The following TAS2R1 variants were observed in gnomAD, a reference collection of about 807,000 sequenced individuals.
TAS2R1 encodes the protein taste 2 receptor member 1, also known as taste receptor type 2 member 1.
For synonymous variants in TAS2R1, 141 were observed against 134.2 expected, an observed-to-expected ratio of 1.05 and a Z score of -0.35; for missense variants, 370 against 353.4, an observed-to-expected ratio of 1.05 and a Z score of -0.38.
chr5:9,712,824 T>C (rs1377063671), upstream of TAS2R1, among the ~76,000 whole-genome samples: 1 of 152,022 alleles, frequency 6.6e-6, no homozygotes, highest in African/African-American at 2.4e-5. Flanking sequence ...GGTATATTAG[T>C]TAGGGTTCTC....
chr5:9,762,249 C>T, the TAS2R1 span, among the ~76,000 whole-genome samples: 3 of 152,128 alleles, frequency 2.0e-5, no homozygotes, highest in African/African-American at 7.2e-5. Flanking sequence ...CACATACAAC[C>T]GCCCCTAAAA....
At chr5:9,638,352 G>A (rs1579762706) in intron 2 of TAS2R1, among the ~76,000 whole-genome samples, 1 of 151,358 alleles carries the variant, frequency 6.6e-6, no homozygotes, top group East Asian at 1.9e-4. Context: ...AGTAGACTCT[G>A]TGAGAGCCCT....
At chr5:9,705,801 G>T (rs1741595726) in intron 1 of TAS2R1, among the ~76,000 whole-genome samples, 1 of 152,178 alleles carries the variant, frequency 6.6e-6, no homozygotes, top group African/African-American at 2.4e-5. Context: ...GGTAGAGGTT[G>T]CAGTGAGCCA....
Position 9,668,184 on chromosome 5 carries a change from G to A in TAS2R1, c.-241-8603C>T, listed in dbSNP as rs890458972. Among the ~76,000 whole-genome samples, 4 of 152,120 alleles carry A rather than the reference G, an allele frequency of 2.6e-5. No individual in the cohort carries two copies. In the South Asian group the frequency reaches 8.3e-4, roughly 32 times the overall value. On this transcript the variant is annotated intron_variant, in intron 1 of 2. Transcript: ENST00000506620. ...AGGAAAGAATCTCAGAGCTCCAAGA[G>A]CAGTTGTCTGAAATAACTCAGATAA...
At chr5:9,754,860 C>G in the TAS2R1 span, among the ~76,000 whole-genome samples, 1 of 152,128 alleles carries the variant, frequency 6.6e-6, no homozygotes, top group Non-Finnish European at 1.5e-5. Context: ...ATCAAGCTAC[C>G]AATGACTTTC....
chr5:9,901,737 G>A, the TAS2R1 span, among the ~76,000 whole-genome samples: 3 of 152,122 alleles, frequency 2.0e-5, no homozygotes, highest in African/African-American at 7.2e-5. Flanking sequence ...GATCCAGGCC[G>A]GAGACAGGCA....
At chr5:9,824,114 T>C in the TAS2R1 span, among the ~76,000 whole-genome samples, 1 of 152,134 alleles carries the variant, frequency 6.6e-6, no homozygotes, top group Admixed American at 6.5e-5. Flanking sequence ...TGGCACCAGC[T>C]TTGGAGTGGA....
the TAS2R1 span, among the ~76,000 whole-genome samples, chr5:9,810,615 G>A: frequency 6.6e-6 from 1 of 152,118 alleles, no homozygotes; most frequent in Non-Finnish European, 1.5e-5. Context: ...CAAGAGAACT[G>A]CTAGAGGGAT....
At chr5:9,751,070 G>C in the TAS2R1 span, among the ~76,000 whole-genome samples, 1 of 151,436 alleles carries the variant, frequency 6.6e-6, no homozygotes, top group African/African-American at 2.4e-5. Context: ...TCAGGAGCTG[G>C]ATGTCTTTGG....
At chr5:9,674,976 A>C (rs1168135824) in intron 1 of TAS2R1, among the ~76,000 whole-genome samples, 2 of 151,958 alleles carry the variant, frequency 1.3e-5, no homozygotes, top group African/African-American at 4.8e-5. Context: ...AAAAAATCAT[A>C]ATGCTAATAA....
chr5:9,867,460 G>T, the TAS2R1 span, among the ~76,000 whole-genome samples: 1,858 of 152,266 alleles, frequency 0.012, 14 homozygotes, highest in Non-Finnish European at 0.02. Context: ...CAAGGGATCT[G>T]CTCTTTATAA....
At chr5:9,704,931 G>A (rs1741573044) in intron 1 of TAS2R1, among the ~76,000 whole-genome samples, 1 of 152,216 alleles carries the variant, frequency 6.6e-6, no homozygotes, top group Non-Finnish European at 1.5e-5. Flanking sequence ...TATCCAACAG[G>A]TGTAGGTGCA....
At chr5:9,729,664 G>A in the TAS2R1 span, among the ~76,000 whole-genome samples, 2 of 152,202 alleles carry the variant, frequency 1.3e-5, no homozygotes, top group African/African-American at 2.4e-5. Flanking sequence ...AAGCAGGCAC[G>A]CGTAAAACCG....
intron 1 of TAS2R1, among the ~76,000 whole-genome samples, chr5:9,693,830 T>C (rs1741303767): frequency 6.6e-6 from 1 of 152,202 alleles, no homozygotes; most frequent in Non-Finnish European, 1.5e-5. Flanking sequence ...TCAGTTAGAC[T>C]GGTTTTTATA....
the TAS2R1 span, among the ~76,000 whole-genome samples, chr5:9,783,201 A>G: frequency 6.6e-6 from 1 of 152,222 alleles, no homozygotes; most frequent in Non-Finnish European, 1.5e-5. Flanking sequence ...ACCTAAAAGA[A>G]TCATTACAAC....
At chr5:9,883,098 C>T in the TAS2R1 span, among the ~76,000 whole-genome samples, 3 of 152,152 alleles carry the variant, frequency 2.0e-5, no homozygotes, top group Non-Finnish European at 4.4e-5. Context: ...AGCTGGAAGC[C>T]ATTATCCTCA....
At chr5:9,821,041 G>A in the TAS2R1 span, among the ~76,000 whole-genome samples, 4 of 152,170 alleles carry the variant, frequency 2.6e-5, no homozygotes, top group African/African-American at 9.6e-5. Context: ...TATCTCAGGA[G>A]TAAAACTTTA....
chr5:9,737,720 A>T, the TAS2R1 span, among the ~76,000 whole-genome samples: 2 of 152,240 alleles, frequency 1.3e-5, no homozygotes, highest in East Asian at 3.9e-4. Flanking sequence ...TTCATCATGC[A>T]CATCAATTTA....
the TAS2R1 span, among the ~76,000 whole-genome samples, chr5:9,838,340 C>T: frequency 1.3e-5 from 2 of 152,106 alleles, no homozygotes; most frequent in East Asian, 3.8e-4. Context: ...GAAGCCGAGT[C>T]TGAGAAAGAT....
Sources: gnomAD v4.1 joint callset for allele counts (sites outside exome capture counted in the v4.1 genomes callset) on GRCh38, gnomAD v4.1.1 for gene constraint, MANE v1.5 for transcripts, NCBI Gene and HGNC (gene_info 2026-07-23, HGNC 2026-07-21) for gene names.